The following CALN1 variants were observed in gnomAD, a reference collection of about 807,000 sequenced individuals.
CALN1 encodes the protein calneuron 1, also known as calcium-binding protein 8.
In CALN1, 17 loss-of-function variants were observed where a neutral mutation model predicts 30.6. The observed-to-expected ratio is 0.56, with a 90% CI of 0.38 to 0.83. The LOEUF is 0.83. Ranked by LOEUF, CALN1 falls within the 40% of genes least tolerant of loss-of-function variation. The probability of loss-of-function intolerance (pLI) is 0.00; values close to 1 mark genes in which losing one functional copy is unlikely to be tolerated. For missense variants in CALN1, 291 were observed against 354.9 expected (o/e 0.82, Z 1.45); for synonymous variants, 156 against 131.4 (o/e 1.19, Z -1.28).
intron 4 of CALN1, among the ~76,000 whole-genome samples, chr7:72,056,426 C>T (rs948734137): frequency 3.3e-5 from 5 of 151,496 alleles, no homozygotes; most frequent in Non-Finnish European, 4.4e-5. Context: ...CATAAAAAAT[C>T]GAATGGAAAA....
intron 4 of CALN1, among the ~76,000 whole-genome samples, chr7:72,071,386 G>A (rs898829383): frequency 6.6e-6 from 1 of 152,112 alleles, no homozygotes; most frequent in African/African-American, 2.4e-5. Flanking sequence ...ATGATTTCCA[G>A]AGGATTTAGA....
intron 4 of CALN1, among the ~76,000 whole-genome samples, chr7:72,105,726 G>T (rs1402670628): frequency 6.8e-6 from 1 of 147,552 alleles, no homozygotes; most frequent in African/African-American, 2.5e-5. Flanking sequence ...CTGTTATTTA[G>T]AAGAGGAGGA....
At chr7:72,190,961 C>T (rs1790552939) in intron 3 of CALN1, among the ~76,000 whole-genome samples, 1 of 152,112 alleles carries the variant, frequency 6.6e-6, no homozygotes, top group Admixed American at 6.6e-5. Flanking sequence ...ATACACATTC[C>T]CATTTCTAAT....
intron 3 of CALN1, among the ~76,000 whole-genome samples, chr7:72,258,562 A>T (rs1796073111): frequency 6.6e-6 from 1 of 152,174 alleles, no homozygotes; most frequent in Non-Finnish European, 1.5e-5. Flanking sequence ...CTGATACGGG[A>T]TTTTGGCTTT....
the CALN1 span, among the ~76,000 whole-genome samples, chr7:72,482,166 A>T: frequency 3.9e-5 from 6 of 152,290 alleles, no homozygotes; most frequent in East Asian, 1.2e-3. Flanking sequence ...TGATTCTGAA[A>T]TCTACTTAGT....
intron 2 of CALN1, among the ~76,000 whole-genome samples, chr7:72,367,445 G>T (rs1803943629): frequency 6.6e-6 from 1 of 152,124 alleles, no homozygotes; most frequent in Middle Eastern, 3.2e-3. Flanking sequence ...GCAACAAAGT[G>T]AGCTCCTGTC....
upstream of CALN1, among the ~76,000 whole-genome samples, chr7:72,451,298 A>C (rs1229234037): frequency 6.7e-6 from 1 of 149,016 alleles, no homozygotes; most frequent in Non-Finnish European, 1.5e-5. Context: ...AGGGAAGAGA[A>C]GAGGAAGAAG....
intron 2 of CALN1, among the ~76,000 whole-genome samples, chr7:72,296,760 T>C (rs1019275475): frequency 6.6e-6 from 1 of 151,094 alleles, no homozygotes; most frequent in African/African-American, 2.4e-5. Flanking sequence ...TCTTTTTTTA[T>C]TAGTCTTGCT....
At chr7:72,137,552 C>A (rs1809597437) in intron 3 of CALN1, among the ~76,000 whole-genome samples, 1 of 152,032 alleles carries the variant, frequency 6.6e-6, no homozygotes, top group South Asian at 2.1e-4. Context: ...AACAAACAAA[C>A]AAAACAAAAC....
At position 72,112,486 on chromosome 7, in the gene CALN1, G is replaced by T. The variant is rs535935035; in HGVS notation, c.245-6192C>A. On this transcript the variant is annotated intron_variant, in intron 3 of 6. Coordinates refer to ENST00000395275, the MANE Select transcript of CALN1 (RefSeq NM_031468.4). ...GGCATTGAGACACTGCAAAACTGGA[G>T]AAAGATGCAGTTCAGCGAGGCTAGG... Among the ~76,000 whole-genome samples, 4 of 152,288 alleles carry T rather than the reference G, an allele frequency of 2.6e-5. No individual in the cohort carries two copies. The South Asian group carries it at 8.3e-4, about 32-fold the overall frequency.
chr7:71,837,856 A>T (rs1333193740), intron 5 of CALN1, among the ~76,000 whole-genome samples: 1 of 152,180 alleles, frequency 6.6e-6, no homozygotes, highest in African/African-American at 2.4e-5. Context: ...CAATAATTTT[A>T]CCATAACAAA....
chr7:71,876,520 AG>A (rs1413315447), intron 5 of CALN1, among the ~76,000 whole-genome samples: 1 of 152,232 alleles, frequency 6.6e-6, no homozygotes, highest in Admixed American at 6.5e-5. Flanking sequence ...TTATAGCAAC[AG>A]AAAACAGACT....
chr7:71,809,633 A>G (rs990705697), intron 6 of CALN1, among the ~76,000 whole-genome samples: 1 of 152,058 alleles, frequency 6.6e-6, no homozygotes, highest in African/African-American at 2.4e-5. Context: ...AAAGTTGGAA[A>G]GAAGGATTAA....
At chr7:72,105,521 A>G (rs1217711618) in intron 4 of CALN1, among the ~76,000 whole-genome samples, 1 of 151,538 alleles carries the variant, frequency 6.6e-6, no homozygotes, top group African/African-American at 2.4e-5. Context: ...GGAGCTCTGG[A>G]CCAAGACCCT....
chr7:72,172,531 A>G (rs1349837266), intron 3 of CALN1, among the ~76,000 whole-genome samples: 1 of 152,238 alleles, frequency 6.6e-6, no homozygotes. Flanking sequence ...CGAAATCCTT[A>G]TTACAGTATT....
intron 5 of CALN1, among the ~76,000 whole-genome samples, chr7:71,826,887 A>G (rs1788945968): frequency 6.6e-6 from 1 of 152,182 alleles, no homozygotes. Context: ...TATGTTGCCC[A>G]GGCTGGTCTC....
At chr7:72,044,939 C>T (rs1464319099) in intron 4 of CALN1, among the ~76,000 whole-genome samples, 1 of 152,064 alleles carries the variant, frequency 6.6e-6, no homozygotes, top group Non-Finnish European at 1.5e-5. Context: ...AACTTCTGAT[C>T]TGAAATATGT....
chr7:72,181,621 G>A (rs1023744527), intron 3 of CALN1, among the ~76,000 whole-genome samples: 14 of 151,986 alleles, frequency 9.2e-5, no homozygotes, highest in African/African-American at 3.1e-4. Flanking sequence ...GGGATTACAG[G>A]TGTGAGCCAC....
intron 5 of CALN1, among the ~76,000 whole-genome samples, chr7:72,013,006 C>T (rs923223915): frequency 6.6e-6 from 1 of 152,070 alleles, no homozygotes; most frequent in African/African-American, 2.4e-5. Flanking sequence ...CCATAATGGT[C>T]AGGCTGGTCT....
Sources: allele counts gnomAD v4.1 joint callset (sites outside exome capture counted in the v4.1 genomes callset), GRCh38; gene constraint gnomAD v4.1.1; transcripts MANE v1.5; gene names NCBI Gene and HGNC (gene_info 2026-07-23, HGNC 2026-07-21).